GASK1B: variants seen among roughly 807,000 people sequenced by gnomAD.
The protein encoded by GASK1B is golgi associated kinase 1B.
In GASK1B, 34 loss-of-function variants were observed where a neutral mutation model predicts 42.8. That is an observed-to-expected ratio of 0.79 (90% CI 0.60 to 1.06). GASK1B has a LOEUF of 1.06. Among genes scored for constraint, GASK1B ranks in the 50% least tolerant of loss-of-function variants. The probability of loss-of-function intolerance (pLI) is 0.00; values close to 1 mark genes in which losing one functional copy is unlikely to be tolerated. For missense variants in GASK1B, 686 were observed against 661.0 expected, an observed-to-expected ratio of 1.04 and a Z score of -0.42; for synonymous variants, 262 against 259.1, an observed-to-expected ratio of 1.01 and a Z score of -0.11.
At chr4:158,172,708 G>A (rs1732609109) in intron 1 of GASK1B, 160 bp downstream of exon 1, 1 of 152,054 alleles carries the variant, frequency 6.6e-6, no homozygotes, top group South Asian at 2.1e-4. Context: ...ACTCAGAAAT[G>A]TCAGTCTCAT....
At chr4:158,143,235 A>T (rs55702215) in intron 3 of GASK1B, among the ~76,000 whole-genome samples, 3,078 of 152,302 alleles carry the variant, frequency 0.02, 65 homozygotes, top group Non-Finnish European at 0.032. Context: ...AAGATGGATT[A>T]TGAGCTGATA....
intron 2 of GASK1B, among the ~76,000 whole-genome samples, chr4:158,159,285 G>A (rs1047492002): frequency 6.6e-6 from 1 of 152,122 alleles, no homozygotes; most frequent in Admixed American, 6.6e-5. Flanking sequence ...AGATGGCTGT[G>A]GTTCCTTTCC....
chr4:158,135,938 T>C (rs578057900), intron 3 of GASK1B, among the ~76,000 whole-genome samples: 2 of 152,198 alleles, frequency 1.3e-5, no homozygotes, highest in East Asian at 3.9e-4. Flanking sequence ...GGCCAGTGCT[T>C]CTCTATGTAG....
chr4:158,133,129 G>T (rs889703428), intron 3 of GASK1B, among the ~76,000 whole-genome samples: 1 of 152,080 alleles, frequency 6.6e-6, no homozygotes, highest in Non-Finnish European at 1.5e-5. Context: ...GCATCTGATT[G>T]CCAATTATTT....
At chr4:158,155,930 T>C in intron 2 of GASK1B, 105 bp from the exon 3 acceptor site, 2 of 840,962 alleles carry the variant, frequency 2.4e-6, no homozygotes, top group Non-Finnish European at 3.8e-6. Context: ...ACCTATCAAA[T>C]GTGAGAGTTT....
chr4:158,149,582 T>C (rs972646815), intron 3 of GASK1B, among the ~76,000 whole-genome samples: 9 of 30,436 alleles, frequency 3.0e-4, no homozygotes, highest in Non-Finnish European at 2.0e-3. Context: ...CAAAATTTAC[T>C]TTCCATTGTC....
At chr4:158,170,097 A>G (rs533072704) in intron 2 of GASK1B, 70 of 749,590 alleles carry the variant, frequency 9.3e-5, no homozygotes, top group Middle Eastern at 3.8e-4. Context: ...CCTATTTAAT[A>G]GTATGCCTGA....
intron 3 of GASK1B, among the ~76,000 whole-genome samples, chr4:158,147,421 T>C (rs572719160): frequency 1.3e-5 from 2 of 152,028 alleles, no homozygotes; most frequent in African/African-American, 4.8e-5. Context: ...CTGGGCCACA[T>C]AGTGAGACTC....
Position 158,124,492 on chromosome 4 carries a change from G to T in GASK1B, c.*2915C>A, listed in dbSNP as rs567638931. 9 of 152,178 alleles carry T rather than the reference G, an allele frequency of 5.9e-5. No homozygotes were observed. The highest frequency in any genetic ancestry group is 2.2e-4 in the African/African-American group (9 of 41,530). 9.4% of individuals were successfully genotyped at this position (152,178 alleles called of 1,614,324 possible). A position where few individuals can be genotyped will look rare whatever the true frequency, so the allele number is the denominator to read the frequency against. The stretch of plus-strand genomic sequence containing the variant: ...TCTTTATCATCTTTATTTGACCCAT[G>T]TTCAATTTCCATATAATTTTCAGAT... On this transcript the variant is annotated 3_prime_UTR_variant, in exon 5 of 5. Coordinates refer to ENST00000585682, the MANE Select transcript of GASK1B (RefSeq NM_001128424.2).
chr4:158,128,667 A>G (rs1730552018), intron 4 of GASK1B, among the ~76,000 whole-genome samples: 1 of 152,232 alleles, frequency 6.6e-6, no homozygotes, highest in African/African-American at 2.4e-5. Flanking sequence ...TCAATGGAGC[A>G]CAATGGAGAT....
intron 4 of GASK1B, among the ~76,000 whole-genome samples, chr4:158,128,467 C>T (rs1055068497): frequency 6.6e-6 from 1 of 152,148 alleles, no homozygotes; most frequent in Non-Finnish European, 1.5e-5. Context: ...TAATATTTTG[C>T]TAAATCCCCA....
intron 3 of GASK1B, among the ~76,000 whole-genome samples, chr4:158,150,733 C>T (rs1731524559): frequency 6.6e-6 from 1 of 152,170 alleles, no homozygotes; most frequent in Admixed American, 6.5e-5. Flanking sequence ...TGAGATAATG[C>T]ATATATAATG....
chr4:158,137,153 G>T (rs920443971), intron 3 of GASK1B, among the ~76,000 whole-genome samples: 1 of 152,170 alleles, frequency 6.6e-6, no homozygotes, highest in African/African-American at 2.4e-5. Flanking sequence ...CTTTATGTGG[G>T]TTTAAATTAA....
intron 3 of GASK1B, among the ~76,000 whole-genome samples, chr4:158,147,834 A>G (rs949805595): frequency 1.3e-5 from 2 of 152,192 alleles, no homozygotes; most frequent in Admixed American, 1.3e-4. Flanking sequence ...CATTTTACCA[A>G]TCAATAAGAA....
intron 2 of GASK1B, among the ~76,000 whole-genome samples, chr4:158,162,849 T>C (rs958212748): frequency 2.6e-5 from 4 of 152,188 alleles, no homozygotes; most frequent in Non-Finnish European, 5.9e-5. Context: ...GCTACAGTCA[T>C]TGGACGCTCA....
chr4:158,171,989 A>C (rs949301874), intron 1 of GASK1B, among the ~76,000 whole-genome samples: 2 of 152,236 alleles, frequency 1.3e-5, no homozygotes, highest in Non-Finnish European at 2.9e-5. Context: ...GAATTAACTA[A>C]GTACAAGCAG....
At chr4:158,164,273 G>A (rs1309118456) in intron 2 of GASK1B, among the ~76,000 whole-genome samples, 5 of 152,208 alleles carry the variant, frequency 3.3e-5, no homozygotes, top group African/African-American at 1.2e-4. Flanking sequence ...TGATCCTATA[G>A]AAGACGATAG....
Position 158,130,952 on chromosome 4 carries a change from C to A in GASK1B, c.1186G>T (p.Val396Leu), listed in dbSNP as rs773486588. The change falls in exon 4 of 5, where the codon GTA becomes TTA. Residue 396 changes from valine (V) to leucine (L), a missense_variant. Coordinates refer to ENST00000585682, the MANE Select transcript of GASK1B (RefSeq NM_001128424.2). ...CATTTTGGCCTCAATCCATTCTGTA[C>A]ACAGGCATCTTCCTTGCGAGGTCTG... ...GFRPRKEDACVQNGLRPKCDD... is the reference protein window; with the variant it reads ...GFRPRKEDACLQNGLRPKCDD... The A allele has an allele frequency of 8.1e-6, 13 of 1,614,070 alleles. No individual in the cohort carries two copies. Among genetic ancestry groups the A allele is most frequent in the Non-Finnish European group, 1.0e-5 (12 of 1,179,962 alleles).
chr4:158,159,415 T>A (rs1407155659), intron 2 of GASK1B: 1 of 360,714 alleles, frequency 2.8e-6, no homozygotes, highest in African/African-American at 2.1e-5. Context: ...TCCACCTCTT[T>A]TAATATAAGG....
Sources: allele counts gnomAD v4.1 joint callset (sites outside exome capture counted in the v4.1 genomes callset), GRCh38; gene constraint gnomAD v4.1.1; transcripts MANE v1.5; gene names NCBI Gene and HGNC (gene_info 2026-07-23, HGNC 2026-07-21).